Variants in NAA11 observed in about 807,000 individuals in gnomAD.
NAA11 encodes N-alpha-acetyltransferase 11.
Under a neutral mutation model 16.1 loss-of-function variants are expected in NAA11, and 15 were observed. That is an observed-to-expected ratio of 0.93 (90% CI 0.62 to 1.44). NAA11 has a LOEUF of 1.44. NAA11 is among the 40% of genes most tolerant of loss of function. The probability of loss-of-function intolerance (pLI) is 0.00; values close to 1 mark genes in which losing one functional copy is unlikely to be tolerated. For synonymous variants in NAA11, 122 were observed against 112.4 expected (o/e 1.09, Z -0.54); for missense variants, 298 against 291.3 (o/e 1.02, Z -0.17).
chr4:79,213,656 G>A, the NAA11 span, among the ~76,000 whole-genome samples: 1 of 152,024 alleles, frequency 6.6e-6, no homozygotes, highest in African/African-American at 2.4e-5. Context: ...AATATCATAT[G>A]GGAGAAGACA....
At chr4:79,324,333 C>T (rs1724191789) in intron 1 of NAA11, among the ~76,000 whole-genome samples, 1 of 152,082 alleles carries the variant, frequency 6.6e-6, no homozygotes, top group African/African-American at 2.4e-5. Context: ...AATATAGTCC[C>T]CGTTCAAATT....
At chr4:79,188,979 C>T in the NAA11 span, among the ~76,000 whole-genome samples, 6 of 151,518 alleles carry the variant, frequency 4.0e-5, no homozygotes, top group African/African-American at 7.3e-5. Flanking sequence ...CGCCTGTAAT[C>T]GCAGCACTTT....
chr4:79,267,486 G>A (rs1343498943), intron 2 of NAA11, among the ~76,000 whole-genome samples: 1 of 152,176 alleles, frequency 6.6e-6, no homozygotes, highest in African/African-American at 2.4e-5. Context: ...AATGAAGGTG[G>A]TGGTTTCTTC....
At chr4:79,251,876 C>CA (rs1403380184) in intron 2 of NAA11, among the ~76,000 whole-genome samples, 10 of 151,910 alleles carry the variant, frequency 6.6e-5, no homozygotes, top group Admixed American at 3.3e-4. Flanking sequence ...TCCACTCATT[C>CA]AAAAAAACAT....
At chr4:79,260,245 A>T (rs993785810) in intron 2 of NAA11, among the ~76,000 whole-genome samples, 1 of 152,146 alleles carries the variant, frequency 6.6e-6, no homozygotes, top group Non-Finnish European at 1.5e-5. Context: ...ATCCTCATCC[A>T]CTTTTATTTT....
At chr4:79,256,652 A>ATATATATATATATATT (rs1553892414) in intron 2 of NAA11, among the ~76,000 whole-genome samples, 37 of 27,420 alleles carry the variant, frequency 1.3e-3, no homozygotes, top group Non-Finnish European at 3.0e-3. Flanking sequence ...ATAAATATAA[A>ATATATATATATATATT]TATATATATA....
intron 2 of NAA11, among the ~76,000 whole-genome samples, chr4:79,284,540 GTTA>G (rs1236164192): frequency 3.9e-5 from 6 of 152,042 alleles, no homozygotes; most frequent in African/African-American, 1.2e-4. Context: ...ACAGATTCTA[GTTA>G]TTGTTGTTTC....
chr4:79,212,027 A>G, the NAA11 span, among the ~76,000 whole-genome samples: 1 of 152,218 alleles, frequency 6.6e-6, no homozygotes, highest in Non-Finnish European at 1.5e-5. Flanking sequence ...GAACAAAAAT[A>G]TACAGTGAAA....
chr4:79,252,574 G>C (rs1158993425), intron 2 of NAA11, among the ~76,000 whole-genome samples: 2 of 152,296 alleles, frequency 1.3e-5, no homozygotes, highest in East Asian at 1.9e-4. Context: ...AATGATAGGA[G>C]AAAGGAATGT....
intron 1 of NAA11, among the ~76,000 whole-genome samples, chr4:79,320,365 G>A (rs150194247): frequency 9.2e-5 from 14 of 152,248 alleles, no homozygotes; most frequent in East Asian, 1.9e-4. Context: ...TCTTACTATC[G>A]ATTATATTAA....
intron 2 of NAA11, among the ~76,000 whole-genome samples, chr4:79,236,279 A>G (rs1207717662): frequency 6.6e-6 from 1 of 152,092 alleles, no homozygotes; most frequent in Non-Finnish European, 1.5e-5. Flanking sequence ...CATTCCACTG[A>G]CCACAATTTC....
At chr4:79,173,084 T>G in the NAA11 span, among the ~76,000 whole-genome samples, 1 of 152,184 alleles carries the variant, frequency 6.6e-6, no homozygotes, top group African/African-American at 2.4e-5. Context: ...ATGGATATAC[T>G]TTCGTGGGTA....
At chr4:79,295,913 G>A (rs1317715609) in intron 1 of NAA11, among the ~76,000 whole-genome samples, 1 of 152,072 alleles carries the variant, frequency 6.6e-6, no homozygotes, top group Admixed American at 6.5e-5. Context: ...CTATTCCTCT[G>A]AGAAGTAACA....
intron 1 of NAA11, among the ~76,000 whole-genome samples, chr4:79,323,191 T>C (rs754131009): frequency 6.6e-6 from 1 of 152,184 alleles, no homozygotes; most frequent in Non-Finnish European, 1.5e-5. Context: ...CTTTCATACA[T>C]GTAAGGGTAA....
At chr4:79,167,910 T>C in the NAA11 span, among the ~76,000 whole-genome samples, 2 of 152,116 alleles carry the variant, frequency 1.3e-5, no homozygotes, top group African/African-American at 2.4e-5. Context: ...CGGGGATACA[T>C]GTGCAGAACG....
At chr4:79,185,575 C>T in the NAA11 span, among the ~76,000 whole-genome samples, 1 of 152,150 alleles carries the variant, frequency 6.6e-6, no homozygotes, top group African/African-American at 2.4e-5. Context: ...TAAATAATTC[C>T]ACTCGTTTAA....
intron 2 of NAA11, among the ~76,000 whole-genome samples, chr4:79,248,591 T>C (rs923497011): frequency 1.3e-5 from 2 of 152,172 alleles, no homozygotes; most frequent in Non-Finnish European, 2.9e-5. Context: ...ACCAGTGCTC[T>C]ACCCCTGCAT....
At chr4:79,311,450 A>T (rs1345545295) in intron 1 of NAA11, among the ~76,000 whole-genome samples, 1 of 152,176 alleles carries the variant, frequency 6.6e-6, no homozygotes, top group Non-Finnish European at 1.5e-5. Context: ...TCTTTCATAC[A>T]TTGTCACTCC....
At chr4:79,204,359 T>C in the NAA11 span, among the ~76,000 whole-genome samples, 1 of 151,900 alleles carries the variant, frequency 6.6e-6, no homozygotes, top group Non-Finnish European at 1.5e-5. Context: ...CAGGACAAGA[T>C]ATACACAATA....
Sources: gnomAD v4.1 joint callset for allele counts (sites outside exome capture counted in the v4.1 genomes callset) on GRCh38, gnomAD v4.1.1 for gene constraint, MANE v1.5 for transcripts, NCBI Gene and HGNC (gene_info 2026-07-23, HGNC 2026-07-21) for gene names.